The following SIKE1 variants were observed in gnomAD, a reference collection of about 807,000 sequenced individuals.
SIKE1 encodes the protein suppressor of IKBKE 1.
A neutral mutation model predicts 25.8 loss-of-function variants in SIKE1; 13 were observed. That is an observed-to-expected ratio of 0.50 (90% CI 0.33 to 0.80). The LOEUF is 0.80. Ranked by LOEUF, SIKE1 falls within the 30% of genes least tolerant of loss-of-function variation. The probability of loss-of-function intolerance (pLI) is 0.02; values close to 1 mark genes in which losing one functional copy is unlikely to be tolerated. For synonymous variants in SIKE1, 86 were observed against 95.5 expected, an observed-to-expected ratio of 0.90 and a Z score of 0.58; for missense variants, 222 against 252.4, an observed-to-expected ratio of 0.88 and a Z score of 0.82.
rs1662129948 is a variant in SIKE1, at chr1:114,773,613, T to C, written c.*658A>G. On this transcript the variant is annotated 3_prime_UTR_variant, in exon 5 of 5. Transcript: ENST00000060969. ...CCTCAGCTTTGAACAATATGAACTT[T>C]GGACAATATGACAACTATAGCATCA... The C allele has an allele frequency of 6.5e-6, 1 of 152,676 alleles. No individual in the cohort carries two copies. The highest frequency in any genetic ancestry group is 2.1e-4 in the South Asian group (1 of 4,834). The allele number at this position is 152,676 out of a possible 1,614,324, so 9.5% of individuals were successfully genotyped here. A position where few individuals can be genotyped will look rare whatever the true frequency, so the allele number is the denominator to read the frequency against.
At chr1:114,777,537 C>G (rs911459199) in intron 3 of SIKE1, among the ~76,000 whole-genome samples, 2 of 152,144 alleles carry the variant, frequency 1.3e-5, no homozygotes, top group Non-Finnish European at 2.9e-5. Flanking sequence ...TTGTGTTACA[C>G]TCATGTCATC....
Position 114,778,714 on chromosome 1 carries a change from GCTTA to G in SIKE1, c.408+424_408+427del, listed in dbSNP as rs548125821. On this transcript the variant is annotated intron_variant, in intron 3 of 4. Coordinates refer to ENST00000060969, the MANE Select transcript of SIKE1 (RefSeq NM_025073.3). ...TGTGATAAACATGAAAGGAAAATGA[GCTTA>G]CTTTTCTTCAAAAACAAGCACACAT... is the stretch of plus-strand genomic sequence containing the variant. 4.2e-4 allele frequency among the ~76,000 whole-genome samples: 64 copies of G among 152,206 alleles called. 2 individuals carry two copies. In the South Asian group the frequency reaches 0.012, roughly 30 times the overall value.
At chr1:114,779,033 G>T (rs1473607542) in intron 3 of SIKE1, 109 bp downstream of exon 3, 1 of 1,354,788 alleles carries the variant, frequency 7.4e-7, no homozygotes, top group Non-Finnish European at 1.0e-6. Flanking sequence ...CCACGGCCTG[G>T]TCGACAAGAG....
In SIKE1 at chr1:114,771,761, G is replaced by A. The variant is rs1662076923; in HGVS notation, c.*2510C>T. The A allele has an allele frequency of 6.6e-6, 1 of 152,072 alleles. No homozygotes were observed. The highest frequency in any genetic ancestry group is 2.4e-5 in the African/African-American group (1 of 41,404). The allele number at this position is 152,072 out of a possible 1,614,324, so 9.4% of individuals were successfully genotyped here. A position where few individuals can be genotyped will look rare whatever the true frequency, so the allele number is the denominator to read the frequency against. On this transcript the variant is annotated 3_prime_UTR_variant, in exon 5 of 5. Transcript: ENST00000060969. ...ATATATATACTTGTCTCCTGTACCA[G>A]ACTTTTTCATTTTTAAATTCATAAG...
chr1:114,778,839 A>G, intron 3 of SIKE1: 1 of 359,828 alleles, frequency 2.8e-6, no homozygotes, highest in Non-Finnish European at 5.1e-6. Context: ...CAGCCTGGGC[A>G]ACATGGCGAA....
chr1:114,774,969 C>T (rs1399957924), intron 4 of SIKE1, among the ~76,000 whole-genome samples: 1 of 152,142 alleles, frequency 6.6e-6, no homozygotes, highest in Non-Finnish European at 1.5e-5. Context: ...CAAATTCAGA[C>T]AACTTGGATG....
chr1:114,772,494 G>A lies in SIKE1; in HGVS notation c.*1777C>T, dbSNP rs868480617. On this transcript the variant is annotated 3_prime_UTR_variant, in exon 5 of 5. Transcript: ENST00000060969. ...TTGCAGGGGGAAAAGTTAGTATGTC[G>A]ATTTATCCTAACACTTGAGATATAA... is the stretch of plus-strand genomic sequence containing the variant. 1.3e-5 allele frequency: 2 copies of A among 152,102 alleles called. No homozygotes were observed. The highest frequency in any genetic ancestry group is 2.9e-5 in the Non-Finnish European group (2 of 68,030). The allele number at this position is 152,102 out of a possible 1,614,324, so 9.4% of individuals were successfully genotyped here.
At position 114,776,391 on chromosome 1, in the gene SIKE1, A is replaced by G. The variant is rs1260320200; in HGVS notation, c.477T>C (p.Asp159=). The change falls in exon 4 of 5, where the codon GAT becomes GAC. Residue 159 remains aspartate (D), a synonymous_variant. Coordinates refer to ENST00000060969, the MANE Select transcript of SIKE1 (RefSeq NM_025073.3). ...CCTGAATCTTACAAAACTGGTCATC[A>G]TCCACCTGAACTGCTTTCCTCATCA... is the stretch of plus-strand genomic sequence containing the variant. ...GEVMRKAVQV[D]DDQFCKIQEK... is the part of the protein sequence containing the mutation. 6.2e-7 allele frequency: 1 copy of G among 1,613,634 alleles called. No individual in the cohort carries two copies. The highest frequency in any genetic ancestry group is 1.3e-5 in the African/African-American group (1 of 74,912).
At chr1:114,775,804 C>T (rs1317493324) in intron 4 of SIKE1, among the ~76,000 whole-genome samples, 1 of 152,156 alleles carries the variant, frequency 6.6e-6, no homozygotes, top group Non-Finnish European at 1.5e-5. Context: ...TTTATGAGCA[C>T]ACTAATACCC....
rs1662123805 is a variant in SIKE1 at position 114,773,411 on chromosome 1, G to A, written c.*860C>T. On this transcript the variant is annotated 3_prime_UTR_variant, in exon 5 of 5. Transcript: ENST00000060969. ...AGTGATGGTTCTTAACTATAAAATG[G>A]AAATTGTATAAAAATTAAAATAGAA... 1 of 152,046 alleles carries A rather than the reference G, an allele frequency of 6.6e-6. No individual in the cohort carries two copies. Among genetic ancestry groups the A allele is most frequent in the Non-Finnish European group, 1.5e-5 (1 of 67,992 alleles). 9.4% of individuals were successfully genotyped at this position (152,046 alleles called of 1,614,324 possible). A position where few individuals can be genotyped will look rare whatever the true frequency, so the allele number is the denominator to read the frequency against.
chr1:114,780,065 G>T (rs1662357633), intron 2 of SIKE1, 45 bp downstream of exon 2: 3 of 1,371,792 alleles, frequency 2.2e-6, no homozygotes, highest in East Asian at 2.4e-5. Context: ...GGGCAATTTT[G>T]CAATAACTTT....
chr1:114,780,268 C>G (rs1355757004), intron 1 of SIKE1, 53 bp from the exon 2 acceptor site: 3 of 1,559,506 alleles, frequency 1.9e-6, no homozygotes, highest in Admixed American at 1.7e-5. Context: ...GCGGCAGATG[C>G]AACTGAAGAG....
rs765038896 is a variant in SIKE1 at position 114,780,560 on chromosome 1, C to T, written c.48G>A (p.Leu16=). The change falls in exon 1 of 5, where the codon CTG becomes CTA. Residue 16 remains leucine, a synonymous_variant. Transcript: ENST00000060969. ...CCGCATCGTGCTCCCGTAGCCTCTC[C>T]AGCAGCGTCTTGGCGTCTGTCAGGA... ...EKILTDAKTL[L]ERLREHDAAA... The T allele has an allele frequency of 1.2e-6, 2 of 1,613,908 alleles. No homozygotes were observed. Among genetic ancestry groups the T allele is most frequent in the South Asian group, 1.1e-5 (1 of 91,082 alleles).
At chr1:114,774,809 G>A (rs928744442) in intron 4 of SIKE1, among the ~76,000 whole-genome samples, 3 of 152,174 alleles carry the variant, frequency 2.0e-5, no homozygotes, top group African/African-American at 7.2e-5. Context: ...AGGAAAGGGG[G>A]AAAGAAATTA....
At position 114,771,640 on chromosome 1, in the gene SIKE1, A is replaced by G. The variant is rs1662072876; in HGVS notation, c.*2631T>C. ...CACCAAAGTTTTCTATTTCCCTCCTACCCATTTATTATCTCTATTGAATTC... is the reference window on the plus strand; with the variant it reads ...CACCAAAGTTTTCTATTTCCCTCCTGCCCATTTATTATCTCTATTGAATTC... On this transcript the variant is annotated 3_prime_UTR_variant, in exon 5 of 5. Coordinates refer to ENST00000060969, the MANE Select transcript of SIKE1 (RefSeq NM_025073.3). The G allele has an allele frequency of 6.6e-6, 1 of 151,956 alleles. No individual in the cohort carries two copies. The highest frequency in any genetic ancestry group is 1.9e-4 in the East Asian group (1 of 5,184). The allele number at this position is 151,956 out of a possible 1,614,324, so 9.4% of individuals were successfully genotyped here. A position where few individuals can be genotyped will look rare whatever the true frequency, so the allele number is the denominator to read the frequency against.
In SIKE1 at chr1:114,771,731, A is replaced by G. The variant is rs1330059597; in HGVS notation, c.*2540T>C. 1.3e-5 allele frequency: 2 copies of G among 152,158 alleles called. No homozygotes were observed. Among genetic ancestry groups the G allele is most frequent in the Non-Finnish European group, 2.9e-5 (2 of 68,004 alleles). 9.4% of individuals were successfully genotyped at this position (152,158 alleles called of 1,614,324 possible). On this transcript the variant is annotated 3_prime_UTR_variant, in exon 5 of 5. Coordinates refer to ENST00000060969, the MANE Select transcript of SIKE1 (RefSeq NM_025073.3). Reference sequence around the variant, plus strand: ...AATGGATTTATCACACTGCATTATAATTTTATATATATACTTGTCTCCTGT... The same window carrying G: ...AATGGATTTATCACACTGCATTATAGTTTTATATATATACTTGTCTCCTGT...
At position 114,780,649 on chromosome 1, in the gene SIKE1, G is replaced by A. The variant is rs1409748071; in HGVS notation, c.-42C>T. 1.3e-6 allele frequency: 2 copies of A among 1,506,182 alleles called. No homozygotes were observed. The highest frequency in any genetic ancestry group is 1.2e-5 in the South Asian group (1 of 84,708). The allele number at this position is 1,506,182 out of a possible 1,614,324, so 93.3% of individuals were successfully genotyped here. On this transcript the variant is annotated 5_prime_UTR_variant, in exon 1 of 5. Transcript: ENST00000060969. ...CAGCCCCTGCCGGGCTCAGCTACGC[G>A]ACTCGCTCAGATCTTCTGGGAGTCT...
In SIKE1 at chr1:114,771,107, A is replaced by C. The variant is rs1045045629; in HGVS notation, c.*3164T>G. 1.2e-4 allele frequency: 18 copies of C among 152,330 alleles called. No individual in the cohort carries two copies. The highest frequency in any genetic ancestry group is 4.3e-4 in the African/African-American group (18 of 41,570). 9.4% of individuals were successfully genotyped at this position (152,330 alleles called of 1,614,324 possible). ...TTGGCAACAACTTTCTAGCAAACACAAGAAAACAGCATGAGGGATGTAAGC... is the reference window on the plus strand; with the variant it reads ...TTGGCAACAACTTTCTAGCAAACACCAGAAAACAGCATGAGGGATGTAAGC... On this transcript the variant is annotated 3_prime_UTR_variant, in exon 5 of 5. Coordinates refer to ENST00000060969, the MANE Select transcript of SIKE1 (RefSeq NM_025073.3).
chr1:114,779,446 AG>A (rs1662341483), intron 2 of SIKE1, among the ~76,000 whole-genome samples, 162 bp from the exon 3 acceptor site: 1 of 152,244 alleles, frequency 6.6e-6, no homozygotes, highest in Non-Finnish European at 1.5e-5. Flanking sequence ...TCTATGTGAA[AG>A]GTAACTTTCT....
Sources: gnomAD v4.1 joint callset for allele counts (sites outside exome capture counted in the v4.1 genomes callset) on GRCh38, gnomAD v4.1.1 for gene constraint, MANE v1.5 for transcripts, NCBI Gene and HGNC (gene_info 2026-07-23, HGNC 2026-07-21) for gene names.